CYTH1: variants seen among roughly 807,000 people sequenced by gnomAD.
CYTH1 encodes the protein cytohesin-1.
Under a neutral mutation model 61.8 loss-of-function variants are expected in CYTH1, and 18 were observed. The observed-to-expected ratio is 0.29, with a 90% CI of 0.20 to 0.43. The LOEUF (loss-of-function observed/expected upper bound fraction) is 0.43. Ranked by LOEUF, CYTH1 falls within the 20% of genes least tolerant of loss-of-function variation. CYTH1 has a pLI of 1.00. For synonymous variants in CYTH1, 174 were observed against 184.3 expected, an observed-to-expected ratio of 0.94 and a Z score of 0.45; for missense variants, 336 against 510.5, an observed-to-expected ratio of 0.66 and a Z score of 3.29.
chr17:78,718,659 G>C (rs967006282), intron 1 of CYTH1, among the ~76,000 whole-genome samples: 1 of 152,136 alleles, frequency 6.6e-6, no homozygotes, highest in Admixed American at 6.5e-5. Context: ...CTTATAATTT[G>C]AAAAACTTCA....
At chr17:78,713,724 A>G (rs2093156844) in intron 1 of CYTH1, among the ~76,000 whole-genome samples, 1 of 149,558 alleles carries the variant, frequency 6.7e-6, no homozygotes, top group Non-Finnish European at 1.5e-5. Context: ...GACTAAATCC[A>G]AGGTCCATAT....
At chr17:78,756,845 T>C (rs1249363756) in intron 1 of CYTH1, among the ~76,000 whole-genome samples, 1 of 151,416 alleles carries the variant, frequency 6.6e-6, no homozygotes, top group East Asian at 1.9e-4. Flanking sequence ...AAAGCCTTCA[T>C]AATCACCAGG....
chr17:78,690,077 C>G (rs560074391), intron 11 of CYTH1, among the ~76,000 whole-genome samples: 17 of 151,916 alleles, frequency 1.1e-4, no homozygotes, highest in Middle Eastern at 3.4e-3. Context: ...TTAGGTAATT[C>G]TGTGTGGAAG....
intron 1 of CYTH1, among the ~76,000 whole-genome samples, chr17:78,712,951 C>A (rs929077669): frequency 6.6e-6 from 1 of 151,924 alleles, no homozygotes; most frequent in Non-Finnish European, 1.5e-5. Context: ...GCTCTCCAGT[C>A]CCATTCCTGT....
chr17:78,708,353 A>C, intron 2 of CYTH1, 92 bp from the exon 3 acceptor site: 1 of 1,217,902 alleles, frequency 8.2e-7, no homozygotes, highest in Non-Finnish European at 1.2e-6. Context: ...CCAACCAAAA[A>C]CAAAATAAAG....
chr17:78,765,705 C>A (rs1435428167), intron 1 of CYTH1, among the ~76,000 whole-genome samples: 1 of 152,158 alleles, frequency 6.6e-6, no homozygotes, highest in Admixed American at 6.6e-5. Context: ...AGACAAACAC[C>A]AAGAGGTGCC....
rs138265126 is a variant in CYTH1 at position 78,714,118 on chromosome 17, C to G, written c.23-4386G>C. ...CCGTTTGACCAACAAGGTGAAACCC[C>G]GTCTCTACTAAAAATACAAAAATTA... On this transcript the variant is annotated intron_variant, in intron 1 of 13. Transcript: ENST00000446868. Among the ~76,000 whole-genome samples the G allele has an allele frequency of 1.7e-3, 257 of 151,952 alleles. No individual in the cohort carries two copies. The Middle Eastern group carries it at 0.02, about 12-fold the overall frequency.
chr17:78,732,349 T>C (rs931515134), intron 1 of CYTH1, among the ~76,000 whole-genome samples: 1 of 152,200 alleles, frequency 6.6e-6, no homozygotes, highest in Admixed American at 6.5e-5. Flanking sequence ...CTTGGGAGGC[T>C]ACACAAAGAC....
In CYTH1 at chr17:78,675,880, T is replaced by C; in HGVS notation, c.*211A>G. The C allele has an allele frequency of 1.3e-6, 2 of 1,487,406 alleles. No homozygotes were observed. Among genetic ancestry groups the C allele is most frequent in the Non-Finnish European group, 1.8e-6 (2 of 1,118,334 alleles). The allele number at this position is 1,487,406 out of a possible 1,614,324, so 92.1% of individuals were successfully genotyped here. ...TGAGAGAGGAAGGCTCTGGAGCCCATGCTGGACAGGTGGCCGGTCCTCTCT... is the reference window on the plus strand; with the variant it reads ...TGAGAGAGGAAGGCTCTGGAGCCCACGCTGGACAGGTGGCCGGTCCTCTCT... On this transcript the variant is annotated 3_prime_UTR_variant, in exon 14 of 14. Transcript: ENST00000446868.
intron 1 of CYTH1, among the ~76,000 whole-genome samples, chr17:78,765,005 G>T (rs974758288): frequency 2.6e-5 from 4 of 152,124 alleles, no homozygotes; most frequent in African/African-American, 9.7e-5. Context: ...GCAAACAGGG[G>T]AAGTCTTGTC....
chr17:78,680,200 T>TA lies in CYTH1; in HGVS notation c.1107dup (p.Lys370Ter). The stretch of plus-strand genomic sequence containing the variant: ...TCAGCAGTCACTTACTTAATGCACT[T>TA]AATCCACTCCTCCTTCTCCTCGGGC... On this transcript the variant is annotated frameshift_variant, in exon 13 of 14. Transcript: ENST00000446868. LOFTEE classifies it high-confidence loss of function. 6.2e-7 allele frequency: 1 copy of TA among 1,614,162 alleles called. No homozygotes were observed. Among genetic ancestry groups the TA allele is most frequent in the Non-Finnish European group, 8.5e-7 (1 of 1,180,016 alleles).
intron 11 of CYTH1, among the ~76,000 whole-genome samples, chr17:78,681,929 T>C (rs2092768677): frequency 6.6e-6 from 1 of 152,152 alleles, no homozygotes; most frequent in South Asian, 2.1e-4. Flanking sequence ...CTAGCAACTA[T>C]TTCCAACTTC....
chr17:78,751,472 T>TAAA (rs2093379993), intron 1 of CYTH1, among the ~76,000 whole-genome samples: 1 of 88,292 alleles, frequency 1.1e-5, no homozygotes, highest in Admixed American at 1.1e-4. Flanking sequence ...GGCACAAAAA[T>TAAA]ACAAAAAAAA....
chr17:78,696,538 C>T (rs1479094165), intron 9 of CYTH1, among the ~76,000 whole-genome samples: 2 of 152,324 alleles, frequency 1.3e-5, no homozygotes, highest in Non-Finnish European at 1.5e-5. Flanking sequence ...CGGCTGGAAG[C>T]CCTGCCTTCT....
intron 5 of CYTH1, among the ~76,000 whole-genome samples, 158 bp from the exon 6 acceptor site, chr17:78,701,909 CT>C (rs2093014336): frequency 6.6e-6 from 1 of 152,218 alleles, no homozygotes; most frequent in Non-Finnish European, 1.5e-5. Context: ...GACTGGCTAG[CT>C]CTGCTGACTG....
intron 1 of CYTH1, among the ~76,000 whole-genome samples, chr17:78,744,868 C>T (rs1345403317): frequency 6.9e-6 from 1 of 144,308 alleles, no homozygotes; most frequent in Admixed American, 6.8e-5. Context: ...AAAAAGAAAA[C>T]CTAAACCATA....
intron 1 of CYTH1, among the ~76,000 whole-genome samples, chr17:78,735,506 T>C (rs1461442667): frequency 1.3e-5 from 2 of 152,208 alleles, no homozygotes; most frequent in African/African-American, 4.8e-5. Flanking sequence ...GCCTGGCACG[T>C]CCCCTCACTA....
At chr17:78,737,874 T>C (rs935499679) in intron 1 of CYTH1, among the ~76,000 whole-genome samples, 12 of 150,074 alleles carry the variant, frequency 8.0e-5, no homozygotes, top group African/African-American at 2.7e-4. Context: ...CTTCTATAGA[T>C]ACACACACAC....
chr17:78,734,436 T>A (rs1183369151), intron 1 of CYTH1, among the ~76,000 whole-genome samples: 1,628 of 12,464 alleles, frequency 0.13, 14 homozygotes, highest in Non-Finnish European at 0.21. Flanking sequence ...AAAAAGCTTT[T>A]TTTTTTTTTT....
Sources: gnomAD v4.1 joint callset for allele counts (sites outside exome capture counted in the v4.1 genomes callset) on GRCh38, gnomAD v4.1.1 for gene constraint, MANE v1.5 for transcripts, NCBI Gene and HGNC (gene_info 2026-07-23, HGNC 2026-07-21) for gene names.